The following COL23A1 variants were observed in gnomAD, a reference collection of about 807,000 sequenced individuals.
COL23A1 encodes collagen alpha-1(XXIII) chain.
In COL23A1, 97 loss-of-function variants were observed where a neutral mutation model predicts 99.3. That is an observed-to-expected ratio of 0.98 (90% CI 0.83 to 1.16). The LOEUF is 1.16. COL23A1 is among the 50% of genes most tolerant of loss of function. COL23A1 has a pLI of 0.00. For missense variants in COL23A1, 762 were observed against 757.4 expected (o/e 1.01, Z -0.07); for synonymous variants, 320 against 308.2 (o/e 1.04, Z -0.40).
In COL23A1 at chr5:178,439,113, T is replaced by C. The variant is rs1766724272; in HGVS notation, c.361+121569A>G. On this transcript the variant is annotated intron_variant, in intron 2 of 28. Coordinates refer to ENST00000390654, the MANE Select transcript of COL23A1 (RefSeq NM_173465.4). This position sits in a 1 kb window ranked among gnomAD's most constrained non-coding sequence, Gnocchi z 4.2. ...TTACATCAGGACCCAGCCAGCAGAT[T>C]TTAAAGTTTTCCAGGTGATTCAAAA... The C allele has an allele frequency of 6.6e-6, 1 of 152,120 alleles. No homozygotes were observed. Among genetic ancestry groups the C allele is most frequent in the Non-Finnish European group, 1.5e-5 (1 of 68,082 alleles). 9.4% of individuals were successfully genotyped at this position (152,120 alleles called of 1,614,324 possible). A position where few individuals can be genotyped will look rare whatever the true frequency, so the allele number is the denominator to read the frequency against.
At chr5:178,298,582 G>C (rs1757871552) in intron 3 of COL23A1, among the ~76,000 whole-genome samples, 1 of 152,140 alleles carries the variant, frequency 6.6e-6, no homozygotes, top group Non-Finnish European at 1.5e-5. Flanking sequence ...TGTTGCCCCT[G>C]GACTCCCAAC....
chr5:178,404,104 T>C (rs986638306), intron 2 of COL23A1, among the ~76,000 whole-genome samples: 2 of 152,198 alleles, frequency 1.3e-5, no homozygotes, highest in Admixed American at 6.5e-5. Flanking sequence ...TCCATTCATG[T>C]AGTGAACAGT....
intron 9 of COL23A1, 41 bp downstream of exon 9, chr5:178,263,167 T>C (rs769795592): frequency 7.0e-7 from 1 of 1,437,238 alleles, no homozygotes; most frequent in East Asian, 2.3e-5. Flanking sequence ...TTTGGGGTTT[T>C]GGTCAAGTCC....
At chr5:178,256,840 G>C in intron 14 of COL23A1, 26 bp downstream of exon 14, 1 of 1,606,086 alleles carries the variant, frequency 6.2e-7, no homozygotes, top group Non-Finnish European at 8.5e-7. Context: ...GCCCGCAGGC[G>C]CCAGAGCAGA....
At chr5:178,436,286 T>A (rs1766557990) in intron 2 of COL23A1, among the ~76,000 whole-genome samples, 1 of 151,858 alleles carries the variant, frequency 6.6e-6, no homozygotes, top group South Asian at 2.1e-4. Flanking sequence ...GTGTGGGAAG[T>A]GAGAGAGACA....
chr5:178,576,225 C>T (rs190471877), intron 1 of COL23A1, among the ~76,000 whole-genome samples: 1 of 152,328 alleles, frequency 6.6e-6, no homozygotes, highest in East Asian at 1.9e-4. Flanking sequence ...CAATAGCCCA[C>T]TGGCGTTGCC....
At chr5:178,401,244 A>G (rs1764432887) in intron 2 of COL23A1, among the ~76,000 whole-genome samples, 1 of 152,246 alleles carries the variant, frequency 6.6e-6, no homozygotes, top group African/African-American at 2.4e-5. Flanking sequence ...TGGTTTATCC[A>G]TTCATCCATT....
At chr5:178,246,634 T>C (rs956822872) in intron 22 of COL23A1, among the ~76,000 whole-genome samples, 181 bp from the exon 23 acceptor site, 1 of 151,760 alleles carries the variant, frequency 6.6e-6, no homozygotes, top group African/African-American at 2.4e-5. Flanking sequence ...CCATGCGCAT[T>C]GCGCCTTTTC....
chr5:178,265,651 C>T (rs936791062), intron 8 of COL23A1: 9 of 985,606 alleles, frequency 9.1e-6, no homozygotes, highest in Non-Finnish European at 1.1e-5. Context: ...CTCAGCCAGT[C>T]TACCTTGAGG....
intron 2 of COL23A1, among the ~76,000 whole-genome samples, chr5:178,542,091 T>G (rs1761321841): frequency 6.6e-6 from 1 of 152,228 alleles, no homozygotes; most frequent in Non-Finnish European, 1.5e-5. Flanking sequence ...TGGCACAATC[T>G]TGGCTCACTG....
intron 2 of COL23A1, among the ~76,000 whole-genome samples, chr5:178,477,326 C>G (rs1562006502): frequency 6.6e-6 from 1 of 152,156 alleles, no homozygotes; most frequent in Non-Finnish European, 1.5e-5. Flanking sequence ...TCAACTCATG[C>G]TATGGCAGAG....
chr5:178,309,545 G>T lies in COL23A1; in HGVS notation c.362-2626C>A, dbSNP rs1051728648. On this transcript the variant is annotated intron_variant, in intron 2 of 28. Coordinates refer to ENST00000390654, the MANE Select transcript of COL23A1 (RefSeq NM_173465.4). The surrounding 1 kb of genome is among the most constrained non-coding windows in gnomAD (Gnocchi z 4.7). ...GTGACCGACTTGCAGATGGACAAGCGGTCTACCCTTTATTCTGAGCTCTGT... is the reference window on the plus strand; with the variant it reads ...GTGACCGACTTGCAGATGGACAAGCTGTCTACCCTTTATTCTGAGCTCTGT... Among the ~76,000 whole-genome samples the T allele has an allele frequency of 1.3e-5, 2 of 152,054 alleles. No individual in the cohort carries two copies. The highest frequency in any genetic ancestry group is 2.9e-5 in the Non-Finnish European group (2 of 67,996).
At chr5:178,511,126 TCCC>T (rs1759183527) in intron 2 of COL23A1, among the ~76,000 whole-genome samples, 1 of 152,188 alleles carries the variant, frequency 6.6e-6, no homozygotes, top group Non-Finnish European at 1.5e-5. Context: ...CTTGTTTTTT[TCCC>T]CCAACTTTTT....
chr5:178,535,525 C>T (rs534599470), intron 2 of COL23A1, among the ~76,000 whole-genome samples: 1 of 152,384 alleles, frequency 6.6e-6, no homozygotes, highest in African/African-American at 2.4e-5. Context: ...AACAGCAGTG[C>T]GCAGCCCAGA....
intron 1 of COL23A1, among the ~76,000 whole-genome samples, chr5:178,584,398 T>A (rs1025518199): frequency 1.3e-5 from 2 of 151,814 alleles, no homozygotes; most frequent in Non-Finnish European, 2.9e-5. Context: ...GACGAGGTCT[T>A]GCTATATCAT....
At chr5:178,335,051 G>A (rs1235799852) in intron 2 of COL23A1, among the ~76,000 whole-genome samples, 8 of 152,230 alleles carry the variant, frequency 5.3e-5, no homozygotes, top group Admixed American at 2.6e-4. Flanking sequence ...CAGCCCTGAG[G>A]CTGGGGAGCC....
chr5:178,384,945 C>T lies in COL23A1; in HGVS notation c.362-78026G>A, dbSNP rs1763590932. On this transcript the variant is annotated intron_variant, in intron 2 of 28. Transcript: ENST00000390654. This position sits in a 1 kb window ranked among gnomAD's most constrained non-coding sequence, Gnocchi z 5.5. Reference sequence around the variant, plus strand: ...CTCCCGCTCCTTCCCTGTGCCCAGCCTCCCTGCCTGCCCCATCCAAGCCAC... The same window carrying T: ...CTCCCGCTCCTTCCCTGTGCCCAGCTTCCCTGCCTGCCCCATCCAAGCCAC... Among the ~76,000 whole-genome samples, 1 of 152,170 alleles carries T rather than the reference C, an allele frequency of 6.6e-6. No individual in the cohort carries two copies. Among genetic ancestry groups the T allele is most frequent in the Non-Finnish European group, 1.5e-5 (1 of 68,008 alleles).
In COL23A1 at chr5:178,365,136, CGTGTGTGTGT is replaced by C. The variant is rs55995523; in HGVS notation, c.362-58227_362-58218del. 2.2e-4 allele frequency among the ~76,000 whole-genome samples: 33 copies of C among 147,908 alleles called. No homozygotes were observed. The highest frequency in any genetic ancestry group is 5.0e-4 in the African/African-American group (20 of 40,190). On this transcript the variant is annotated intron_variant, in intron 2 of 28. Transcript: ENST00000390654. This position sits in a 1 kb window ranked among gnomAD's most constrained non-coding sequence, Gnocchi z 5.2. The stretch of plus-strand genomic sequence containing the variant: ...GGGCTTTATGATGTTGCTGTGTGTG[CGTGTGTGTGT>C]GTGTGTGTGTGTGTGTGTGTGTGTG...
chr5:178,577,688 G>A (rs1763451521), intron 1 of COL23A1, among the ~76,000 whole-genome samples: 1 of 152,250 alleles, frequency 6.6e-6, no homozygotes, highest in African/African-American at 2.4e-5. Context: ...TGGCCGCGCT[G>A]CGCCCCCGCG....
Sources: gnomAD v4.1 joint callset for allele counts (sites outside exome capture counted in the v4.1 genomes callset) on GRCh38, gnomAD v4.1.1 for gene constraint, Gnocchi (gnomAD v3.1) non-coding constraint, MANE v1.5 for transcripts, NCBI Gene and HGNC (gene_info 2026-07-23, HGNC 2026-07-21) for gene names.